Variants in STAT5A observed in about 807,000 individuals in gnomAD.
The protein encoded by STAT5A is signal transducer and activator of transcription 5A, also known as epididymis secretory sperm binding protein.
STAT5A carries 26 observed loss-of-function variants against 100.2 expected under a neutral mutation model. The observed-to-expected ratio is 0.26, with a 90% confidence interval of 0.19 to 0.36. STAT5A has a LOEUF of 0.36. Among genes scored for constraint, STAT5A ranks in the 10% least tolerant of loss-of-function variants. STAT5A has a pLI of 1.00. For missense variants in STAT5A, 634 were observed against 1,027.5 expected, an observed-to-expected ratio of 0.62 and a Z score of 5.24; for synonymous variants, 330 against 424.3, an observed-to-expected ratio of 0.78 and a Z score of 2.73.
chr17:42,292,025 G>C lies in STAT5A; in HGVS notation c.339G>C (p.Leu113=). Residue 113 remains leucine (L), a synonymous_variant, in exon 4 of 19, where the codon CTG becomes CTC. Transcript: ENST00000590949. ...TGGTCCGCTGCATCCGGCACATTCT[G>C]TACAATGAACAGAGGCTGGTCCGAG... is the stretch of plus-strand genomic sequence containing the variant. The part of the protein sequence containing the change: ...LELVRCIRHI[L]YNEQRLVREA... The C allele has an allele frequency of 6.2e-7, 1 of 1,614,050 alleles. No homozygotes were observed. The highest frequency in any genetic ancestry group is 8.5e-7 in the Non-Finnish European group (1 of 1,179,936).
At position 42,289,988 on chromosome 17, in the gene STAT5A, A is replaced by C. The variant is rs760554653; in HGVS notation, c.251A>C (p.Lys84Thr). The C allele has an allele frequency of 1.2e-6, 2 of 1,613,098 alleles. No homozygotes were observed. The highest frequency in any genetic ancestry group is 2.2e-5 in the East Asian group (1 of 44,868). ...HQVGEDGFLLKIKLGHYATQL... is the reference protein window; with the variant it reads ...HQVGEDGFLLTIKLGHYATQL... ...GTGGGGGAAGATGGGTTTTTACTGA[A>C]GATCAAGCTGGGGCACTACGCCACG... Residue 84 changes from lysine (K) to threonine (T), a missense_variant, in exon 3 of 19, where the codon AAG becomes ACG. Lys to Thr is a moderately conservative substitution (Grantham distance 78, BLOSUM62 -1). Around this residue, in one of 5 missense-constraint regions of STAT5A, gnomAD observed 207 missense variants for 256.6 expected, o/e 0.81. Coordinates refer to ENST00000590949, the MANE Select transcript of STAT5A (RefSeq NM_001288718.2).
At chr17:42,298,579 C>G (rs2080943074) in intron 5 of STAT5A, among the ~76,000 whole-genome samples, 1 of 151,612 alleles carries the variant, frequency 6.6e-6, no homozygotes, top group Admixed American at 6.6e-5. Context: ...TCACGCCATT[C>G]TCCTGCCTCA....
In STAT5A at chr17:42,310,778, T is replaced by TTGTG. The variant is rs3833144; in HGVS notation, c.*129_*132dup. On this transcript the variant is annotated 3_prime_UTR_variant, in exon 19 of 19. Transcript: ENST00000590949. ...GACACCTTTGCAGGCATGCATGTGC[T>TTGTG]TGTGTGTGTGTGTGTGTGTGTGTCC... 2,053 of 1,426,406 alleles carry TTGTG rather than the reference T, an allele frequency of 1.4e-3. 2 individuals carry two copies. Among genetic ancestry groups the TTGTG allele is most frequent in the Non-Finnish European group, 1.2e-3 (1,304 of 1,061,212 alleles). The allele number at this position is 1,426,406 out of a possible 1,614,324, so 88.4% of individuals were successfully genotyped here.
At position 42,307,697 on chromosome 17, in the gene STAT5A, T is replaced by C. The variant is rs1427807254; in HGVS notation, c.1880T>C (p.Ile627Thr). 1 of 1,613,954 alleles carries C rather than the reference T, an allele frequency of 6.2e-7. No individual in the cohort carries two copies. The highest frequency in any genetic ancestry group is 2.2e-5 in the East Asian group (1 of 44,886). Residue 627 changes from isoleucine (I) to threonine (T), a missense_variant, in exon 15 of 19, where the codon ATC (isoleucine) becomes ACC (threonine). Coordinates refer to ENST00000590949, the MANE Select transcript of STAT5A (RefSeq NM_001288718.2). The part of the protein sequence containing the change: ...LRFSDSEIGG[I>T]TIAWKFDSPE... Reference sequence around the variant, plus strand: ...TTTAGTGACTCAGAAATCGGGGGCATCACCATCGCCTGGAAGTTTGACTCC... The same window carrying C: ...TTTAGTGACTCAGAAATCGGGGGCACCACCATCGCCTGGAAGTTTGACTCC...
intron 5 of STAT5A, among the ~76,000 whole-genome samples, 163 bp from the exon 6 acceptor site, chr17:42,299,588 C>CA (rs1221339680): frequency 4.6e-4 from 70 of 152,334 alleles, no homozygotes; most frequent in South Asian, 2.9e-3. Flanking sequence ...CCTCCTGAGG[C>CA]GCCATTCATC....
Position 42,304,789 on chromosome 17 carries a change from C to A in STAT5A, c.1380+137C>A. The A allele has an allele frequency of 7.3e-7, 1 of 1,376,400 alleles. No homozygotes were observed. Among genetic ancestry groups the A allele is most frequent in the Non-Finnish European group, 9.9e-7 (1 of 1,006,962 alleles). The allele number at this position is 1,376,400 out of a possible 1,614,324, so 85.3% of individuals were successfully genotyped here. A position where few individuals can be genotyped will look rare whatever the true frequency, so the allele number is the denominator to read the frequency against. On this transcript the variant is annotated intron_variant, in intron 11 of 18. Transcript: ENST00000590949. The surrounding 1 kb of genome is among the most constrained non-coding windows in gnomAD (Gnocchi z 4.8). Reference sequence around the variant, plus strand: ...GGGTCCCTGTTTGATAGGTTATAATCTGGGACTAACCCAGACAATTTAGGC... The same window carrying A: ...GGGTCCCTGTTTGATAGGTTATAATATGGGACTAACCCAGACAATTTAGGC...
intron 3 of STAT5A, 95 bp downstream of exon 3, chr17:42,290,117 A>C: frequency 7.9e-5 from 111 of 1,403,782 alleles, no homozygotes; most frequent in Non-Finnish European, 9.3e-5. Flanking sequence ...CCACTGACTC[A>C]CCATGTGACC....
chr17:42,301,936 C>T lies in STAT5A; in HGVS notation c.1169+482C>T, dbSNP rs112913185. Among the ~76,000 whole-genome samples, 492 of 152,084 alleles carry T rather than the reference C, an allele frequency of 3.2e-3. 1 individual carries two copies. The highest frequency in any genetic ancestry group is 0.011 in the African/African-American group (460 of 41,498). ...GTAATCCCAGCACTTTGGGAGGCCA[C>T]GGTCGGAGGATCACTTGAGCCCAAA... On this transcript the variant is annotated intron_variant, in intron 9 of 18. Coordinates refer to ENST00000590949, the MANE Select transcript of STAT5A (RefSeq NM_001288718.2).
At chr17:42,309,346 T>C (rs2081058620) in intron 17 of STAT5A, 31 bp from the exon 18 acceptor site, 1 of 1,609,934 alleles carries the variant, frequency 6.2e-7, no homozygotes, top group Non-Finnish European at 8.5e-7. Context: ...GCCTCCCTGG[T>C]GGCTGAAGCT....
intron 8 of STAT5A, 85 bp downstream of exon 8, chr17:42,300,955 C>T (rs2080971971): frequency 1.3e-6 from 2 of 1,596,728 alleles, no homozygotes; most frequent in Non-Finnish European, 1.7e-6. Flanking sequence ...TCCAGACCAG[C>T]AGATCCACTT....
intron 5 of STAT5A, among the ~76,000 whole-genome samples, chr17:42,298,490 T>A (rs1260480509): frequency 1.4e-5 from 2 of 145,480 alleles, no homozygotes; most frequent in Non-Finnish European, 3.0e-5. Flanking sequence ...TTTTTTTTTT[T>A]AGACAGAGTC....
At chr17:42,306,184 T>C in intron 12 of STAT5A, 57 bp from the exon 13 acceptor site, 2 of 1,613,240 alleles carry the variant, frequency 1.2e-6, no homozygotes, top group Non-Finnish European at 1.7e-6. Flanking sequence ...CTTGTGTGTG[T>C]GTGAATATTT....
Position 42,299,737 on chromosome 17 carries a change from CTT to C in STAT5A, c.551-13_551-12del. 1.2e-6 allele frequency: 2 copies of C among 1,614,224 alleles called. No homozygotes were observed. Among genetic ancestry groups the C allele is most frequent in the Non-Finnish European group, 1.7e-6 (2 of 1,180,028 alleles). ...TAGGAGGTGATGGTCATGGTTTCCT[CTT>C]CTCTCCTCTAGCTCAGTTTGCCCAG... On this transcript the variant is annotated splice_polypyrimidine_tract_variant and intron_variant, in intron 5 of 18. Transcript: ENST00000590949.
rs201999384 is a variant in STAT5A at position 42,310,631 on chromosome 17, G to A, written c.2347G>A (p.Ala783Thr). ...TCTTGACTCCCGCCTCTCGCCCCCT[G>A]CCGGTCTTTTCACCTCTGCCAGAGG... ...DSLDSRLSPP[A>T]GLFTSARGSL... Residue 783 changes from alanine (A) to threonine (T), a missense_variant, in exon 19 of 19, where the codon GCC becomes ACC. Transcript: ENST00000590949. The A allele has an allele frequency of 7.4e-6, 12 of 1,614,190 alleles. No individual in the cohort carries two copies. In the East Asian group the frequency reaches 2.7e-4, roughly 36 times the overall value.
At chr17:42,294,860 G>A (rs1396084295) in intron 4 of STAT5A, among the ~76,000 whole-genome samples, 1 of 151,850 alleles carries the variant, frequency 6.6e-6, no homozygotes, top group Non-Finnish European at 1.5e-5. Context: ...TCATCCATGT[G>A]CTCCCTCCCT....
Position 42,305,975 on chromosome 17 carries a change from G to A in STAT5A, c.1474-266G>A, listed in dbSNP as rs2081025019. 1.7e-5 allele frequency: 11 copies of A among 655,510 alleles called. No individual in the cohort carries two copies. In the South Asian group the frequency reaches 2.2e-4, roughly 13 times the overall value. The allele number at this position is 655,510 out of a possible 1,614,324, so 40.6% of individuals were successfully genotyped here. On this transcript the variant is annotated intron_variant, in intron 12 of 18. Transcript: ENST00000590949. ...GATCCTCCTTTGGCAGATGGCTTGG[G>A]TCCTTGCTCTCTGTTTTCTGTTTCC... is the stretch of plus-strand genomic sequence containing the variant.
At chr17:42,306,040 A>T in intron 12 of STAT5A, 1 of 867,078 alleles carries the variant, frequency 1.2e-6, no homozygotes, top group Non-Finnish European at 1.8e-6. Context: ...CACCCCCTGC[A>T]TCGGTTTTCT....
intron 12 of STAT5A, 152 bp downstream of exon 12, chr17:42,305,854 C>A: frequency 1.2e-6 from 1 of 804,380 alleles, no homozygotes. Flanking sequence ...GGGTGCTGGG[C>A]GCCTGCCTTC....
rs1382275496 is a variant in STAT5A, at chr17:42,308,910, G to A, written c.2063-137G>A. The A allele has an allele frequency of 9.3e-7, 1 of 1,078,642 alleles. No homozygotes were observed. The highest frequency in any genetic ancestry group is 1.4e-6 in the Non-Finnish European group (1 of 715,898). 66.8% of individuals were successfully genotyped at this position (1,078,642 alleles called of 1,614,324 possible). A position where few individuals can be genotyped will look rare whatever the true frequency, so the allele number is the denominator to read the frequency against. On this transcript the variant is annotated intron_variant, in intron 16 of 18. Coordinates refer to ENST00000590949, the MANE Select transcript of STAT5A (RefSeq NM_001288718.2). The surrounding 1 kb of genome is among the most constrained non-coding windows in gnomAD (Gnocchi z 4.6). ...GGATTCATCAGCTGGTGTTTATTGG[G>A]GGTCCTTGGGAAATCTCATCCCAGC...
Sources: gnomAD v4.1 joint callset for allele counts (sites outside exome capture counted in the v4.1 genomes callset) on GRCh38, gnomAD v4.1.1 for gene constraint, gnomAD v4.1.1 regional missense constraint, Gnocchi (gnomAD v3.1) non-coding constraint, MANE v1.5 for transcripts, NCBI Gene and HGNC (gene_info 2026-07-23, HGNC 2026-07-21) for gene names.